The following NAV3 variants were observed in gnomAD, a reference collection of about 807,000 sequenced individuals.
The protein encoded by NAV3 is pore membrane and/or filament interacting like protein 1.
Under a neutral mutation model 244.7 loss-of-function variants are expected in NAV3, and 87 were observed. The observed-to-expected ratio is 0.36, with a 90% CI of 0.30 to 0.42. The LOEUF (loss-of-function observed/expected upper bound fraction) is 0.42, where lower values mean the gene tolerates loss of function less well. Among genes scored for constraint, NAV3 ranks in the 20% least tolerant of loss-of-function variants. The pLI is 1.00. For synonymous variants in NAV3, 1,126 were observed against 1,042.2 expected, an observed-to-expected ratio of 1.08 and a Z score of -1.55; for missense variants, 2,663 against 2,893.3, an observed-to-expected ratio of 0.92 and a Z score of 1.83.
chr12:77,755,210 CTA>C (rs1482828765), intron 2 of NAV3, among the ~76,000 whole-genome samples: 3 of 152,040 alleles, frequency 2.0e-5, no homozygotes, highest in African/African-American at 7.2e-5. Context: ...TCAACAAAGA[CTA>C]TTTCTGAAAT....
chr12:77,781,152 C>A (rs922525170), intron 2 of NAV3, among the ~76,000 whole-genome samples: 1 of 152,106 alleles, frequency 6.6e-6, no homozygotes, highest in Non-Finnish European at 1.5e-5. Flanking sequence ...GGTTTCATTC[C>A]GTAAACCCGA....
chr12:77,635,106 G>A (rs1023794871), intron 2 of NAV3, among the ~76,000 whole-genome samples: 6 of 152,040 alleles, frequency 3.9e-5, no homozygotes, highest in Admixed American at 2.6e-4. Context: ...ATGTGTGCCT[G>A]TAAACCAGCT....
chr12:77,958,404 A>G (rs921048145), intron 3 of NAV3, among the ~76,000 whole-genome samples: 1 of 152,216 alleles, frequency 6.6e-6, no homozygotes, highest in Non-Finnish European at 1.5e-5. Flanking sequence ...TGTGTTTGAT[A>G]GAACATGAAA....
At position 78,210,512 on chromosome 12, in the gene NAV3, C is replaced by G. The variant is rs777088684; in HGVS notation, c.7153C>G (p.Leu2385Val). The G allele has an allele frequency of 6.2e-7, 1 of 1,609,556 alleles. No individual in the cohort carries two copies. ...DILDSSLEST[L>V] ...TTTGGATTCATCTCTTGAATCTACC[C>G]TCTAGAGGGTGAAAAAAGTTAAGGG... Residue 2385 changes from leucine (L) to valine (V), a missense_variant, in exon 40 of 40, where the codon CTC (leucine) becomes GTC (valine). By Grantham distance (32) the Leu-to-Val change is conservative (BLOSUM62 1). This residue lies in a region of NAV3 where 543 missense variants were observed against 672.4 expected (regional missense o/e 0.81). Coordinates refer to ENST00000397909, the MANE Select transcript of NAV3 (RefSeq NM_001024383.2).
At chr12:77,632,809 T>C (rs1055387979) in intron 2 of NAV3, among the ~76,000 whole-genome samples, 1 of 152,192 alleles carries the variant, frequency 6.6e-6, no homozygotes, top group South Asian at 2.1e-4. Context: ...TATTGATTTT[T>C]AAATAAGGCA....
chr12:77,980,157 G>A (rs1869304106), intron 5 of NAV3, among the ~76,000 whole-genome samples: 1 of 152,028 alleles, frequency 6.6e-6, no homozygotes, highest in South Asian at 2.1e-4. Flanking sequence ...TATTTGGGTT[G>A]CCTGATGGTT....
chr12:78,057,256 C>T (rs1350237689), intron 11 of NAV3, among the ~76,000 whole-genome samples: 4 of 152,166 alleles, frequency 2.6e-5, no homozygotes, highest in Non-Finnish European at 5.9e-5. Flanking sequence ...AAGAATATAA[C>T]CTAAAATTCT....
chr12:77,919,622 A>G (rs969340016), intron 1 of NAV3, among the ~76,000 whole-genome samples: 1 of 152,050 alleles, frequency 6.6e-6, no homozygotes, highest in Non-Finnish European at 1.5e-5. Context: ...CTTAACCGCA[A>G]ATATGTTACC....
chr12:78,189,379 G>C (rs1006808693), intron 33 of NAV3, among the ~76,000 whole-genome samples: 2 of 151,696 alleles, frequency 1.3e-5, no homozygotes, highest in Non-Finnish European at 2.9e-5. Context: ...TTGATTTTAT[G>C]ATGAAGGTAA....
intron 1 of NAV3, among the ~76,000 whole-genome samples, chr12:77,895,224 T>C (rs1884439364): frequency 6.6e-6 from 1 of 151,880 alleles, no homozygotes; most frequent in African/African-American, 2.4e-5. Context: ...AATAGAGTAA[T>C]CAACAAAGGA....
intron 12 of NAV3, among the ~76,000 whole-genome samples, chr12:78,110,142 C>T (rs568416129): frequency 5.9e-5 from 9 of 151,980 alleles, no homozygotes; most frequent in Non-Finnish European, 1.3e-4. Flanking sequence ...CATTTCTATG[C>T]CCCAATAATA....
chr12:77,794,110 G>A (rs1274796266), intron 2 of NAV3, among the ~76,000 whole-genome samples: 1 of 152,118 alleles, frequency 6.6e-6, no homozygotes, highest in Non-Finnish European at 1.5e-5. Flanking sequence ...TCTTGGCCAT[G>A]TAAATGTCTT....
chr12:77,645,414 GTAAGAGGGTGAGATTTA>G (rs1186691105), intron 2 of NAV3, among the ~76,000 whole-genome samples: 19 of 118,944 alleles, frequency 1.6e-4, no homozygotes, highest in African/African-American at 9.2e-4. Flanking sequence ...CAAAGACAGT[GTAAGAGGGTGAGATTTA>G]CATCTCTAAG....
chr12:78,050,683 C>T (rs1882612255), intron 10 of NAV3, 81 bp from the exon 11 acceptor site: 1 of 1,439,414 alleles, frequency 6.9e-7, no homozygotes, highest in Middle Eastern at 1.8e-4. Flanking sequence ...CCCTCAACTC[C>T]AGCCTTTTCT....
At chr12:77,824,087 T>A (rs183735614) in intron 2 of NAV3, among the ~76,000 whole-genome samples, 49 of 152,066 alleles carry the variant, frequency 3.2e-4, no homozygotes, top group African/African-American at 1.1e-3. Context: ...AGAGTAAATT[T>A]TTTTTTAGAC....
intron 34 of NAV3, among the ~76,000 whole-genome samples, chr12:78,192,072 T>G (rs962915250): frequency 1.6e-4 from 25 of 152,106 alleles, no homozygotes; most frequent in African/African-American, 6.0e-4. Flanking sequence ...AACATAGCTT[T>G]CCCTAAAAAA....
intron 1 of NAV3, 115 bp downstream of exon 1, chr12:77,831,819 T>A (rs1236396002): frequency 2.1e-5 from 25 of 1,172,140 alleles, no homozygotes; most frequent in Non-Finnish European, 2.7e-5. Flanking sequence ...AGTGTAAGGA[T>A]GTAAGTAGTT....
At chr12:77,671,970 C>T (rs1461601334) in intron 2 of NAV3, among the ~76,000 whole-genome samples, 1 of 152,184 alleles carries the variant, frequency 6.6e-6, no homozygotes, top group South Asian at 2.1e-4. Flanking sequence ...TAACAGACAA[C>T]CCACAGAGTG....
chr12:77,975,526 G>T (rs1207571518), intron 5 of NAV3, among the ~76,000 whole-genome samples: 1 of 152,176 alleles, frequency 6.6e-6, no homozygotes, highest in African/African-American at 2.4e-5. Flanking sequence ...ACCGAGGAAA[G>T]TCCTCATTCA....
Sources: allele counts gnomAD v4.1 joint callset (sites outside exome capture counted in the v4.1 genomes callset), GRCh38; gene constraint gnomAD v4.1.1; regional missense constraint gnomAD v4.1.1; transcripts MANE v1.5; gene names NCBI Gene and HGNC (gene_info 2026-07-23, HGNC 2026-07-21).